RYR2: variants seen among roughly 807,000 people sequenced by gnomAD.
The protein encoded by RYR2 is cardiac muscle ryanodine receptor-calcium release channel.
A neutral mutation model predicts 601.1 loss-of-function variants in RYR2; 227 were observed. The ratio of observed to expected loss-of-function variants is 0.38; its 90% CI spans 0.34 to 0.42. The LOEUF is 0.42. RYR2 is among the 10% of genes least tolerant of loss of function. The pLI, the probability that RYR2 is intolerant of heterozygous loss-of-function variation, is 1.00. For synonymous variants in RYR2, 2,223 were observed against 2,175.1 expected (o/e 1.02, Z -0.61); for missense variants, 4,646 against 6,156.5 (o/e 0.75, Z 8.21).
At chr1:237,803,901 C>CT (rs1465347743) in intron 98 of RYR2, among the ~76,000 whole-genome samples, 2 of 152,118 alleles carry the variant, frequency 1.3e-5, no homozygotes. Context: ...TAACCTCACC[C>CT]TGGGGTTTGT....
chr1:237,620,364 T>TAAATC (rs3057357), intron 38 of RYR2, among the ~76,000 whole-genome samples: 120,610 of 151,452 alleles, frequency 0.8, 48,314 homozygotes, highest in Non-Finnish European at 0.83. Flanking sequence ...GTACCACAGA[T>TAAATC]AAAATAGGAT....
chr1:237,341,339 A>C (rs1697752485), intron 3 of RYR2, among the ~76,000 whole-genome samples: 1 of 152,290 alleles, frequency 6.6e-6, no homozygotes, highest in Non-Finnish European at 1.5e-5. Flanking sequence ...TGAGTCAGCC[A>C]TTCTCAAACA....
chr1:237,665,396 TCAAAAAAAAAAA>T (rs1414551463), intron 56 of RYR2, among the ~76,000 whole-genome samples: 2 of 72,418 alleles, frequency 2.8e-5, no homozygotes, highest in Admixed American at 3.3e-4. Flanking sequence ...AGACTCTGTC[TCAAAAAAAAAAA>T]AAAAAAAAAA....
At chr1:237,282,482 C>T (rs1163186490) in intron 2 of RYR2, among the ~76,000 whole-genome samples, 1 of 152,032 alleles carries the variant, frequency 6.6e-6, no homozygotes, top group Non-Finnish European at 1.5e-5. Context: ...CCATGATGTG[C>T]TTAGCCCAGC....
At chr1:237,499,477 AATAG>A (rs1209177106) in intron 20 of RYR2, among the ~76,000 whole-genome samples, 1 of 152,236 alleles carries the variant, frequency 6.6e-6, no homozygotes, top group Non-Finnish European at 1.5e-5. Flanking sequence ...ATTTGATTAT[AATAG>A]ATATCGTGTA....
At chr1:237,450,060 G>C (rs1443953305) in intron 14 of RYR2, among the ~76,000 whole-genome samples, 1 of 152,088 alleles carries the variant, frequency 6.6e-6, no homozygotes, top group Admixed American at 6.6e-5. Flanking sequence ...TCTATCCAGT[G>C]TCCCATGAAT....
intron 1 of RYR2, among the ~76,000 whole-genome samples, chr1:237,149,025 T>G (rs1674395641): frequency 6.6e-6 from 1 of 152,210 alleles, no homozygotes; most frequent in Non-Finnish European, 1.5e-5. Flanking sequence ...TGAATTTTCC[T>G]CTTCGAGTGA....
intron 17 of RYR2, among the ~76,000 whole-genome samples, chr1:237,488,293 A>G (rs1255903522): frequency 6.6e-6 from 1 of 152,228 alleles, no homozygotes; most frequent in Non-Finnish European, 1.5e-5. Flanking sequence ...TTTATAAACA[A>G]CAGAAATGTA....
chr1:237,416,390 G>A (rs754688753), intron 10 of RYR2, among the ~76,000 whole-genome samples: 8 of 152,134 alleles, frequency 5.3e-5, no homozygotes, highest in Non-Finnish European at 1.2e-4. Flanking sequence ...CATGAATTTG[G>A]ATACTTACAG....
rs574384748 is a variant in RYR2, at chr1:237,047,636, C to A, written c.48+5067C>A. ...CTCCCTCCTTGCCACGTCTAAATGTCCCTCTCTGTCCCTATTCCCTTAGAT... is the reference window on the plus strand; with the variant it reads ...CTCCCTCCTTGCCACGTCTAAATGTACCTCTCTGTCCCTATTCCCTTAGAT... On this transcript the variant is annotated intron_variant, in intron 1 of 104. Transcript: ENST00000366574. Among the ~76,000 whole-genome samples the A allele has an allele frequency of 2.9e-4, 44 of 152,276 alleles. 2 individuals are homozygous for A. The highest frequency in any genetic ancestry group is 2.2e-3 in the Admixed American group (33 of 15,308).
intron 1 of RYR2, among the ~76,000 whole-genome samples, chr1:237,230,943 G>GAAAAAAAAA (rs1553354265): frequency 1.3e-5 from 1 of 79,764 alleles, no homozygotes; most frequent in African/African-American, 4.4e-5. Context: ...AAAAAAAAAG[G>GAAAAAAAAA]ATACTCCTCA....
chr1:237,051,370 G>C (rs372207007), intron 1 of RYR2, among the ~76,000 whole-genome samples: 2 of 130,202 alleles, frequency 1.5e-5, no homozygotes, highest in Non-Finnish European at 3.1e-5. Flanking sequence ...TTCTCTCCTC[G>C]GGGCTCATGA....
chr1:237,329,439 G>A (rs565389004), intron 2 of RYR2, among the ~76,000 whole-genome samples: 1 of 152,062 alleles, frequency 6.6e-6, no homozygotes, highest in African/African-American at 2.4e-5. Flanking sequence ...TCAAGAGATC[G>A]AGATCATCCT....
chr1:237,324,360 A>T (rs1301623290), intron 2 of RYR2, among the ~76,000 whole-genome samples: 1 of 152,202 alleles, frequency 6.6e-6, no homozygotes, highest in Non-Finnish European at 1.5e-5. Flanking sequence ...TATCTCCATC[A>T]TTTGGGGAGA....
At chr1:237,809,945 T>C (rs1661080798) in intron 100 of RYR2, among the ~76,000 whole-genome samples, 1 of 152,128 alleles carries the variant, frequency 6.6e-6, no homozygotes, top group South Asian at 2.1e-4. Context: ...ATGACATTAG[T>C]ACCATGGACA....
chr1:237,815,540 T>A (rs1661727537), intron 100 of RYR2, among the ~76,000 whole-genome samples: 1 of 152,224 alleles, frequency 6.6e-6, no homozygotes, highest in Admixed American at 6.5e-5. Flanking sequence ...TGCACAAGAC[T>A]GTCTTTTCAG....
intron 19 of RYR2, among the ~76,000 whole-genome samples, chr1:237,493,539 A>G (rs917475085): frequency 9.9e-5 from 15 of 151,344 alleles, no homozygotes; most frequent in East Asian, 1.9e-4. Flanking sequence ...TGCAAGCTCC[A>G]CCTCCCGGGT....
intron 12 of RYR2, among the ~76,000 whole-genome samples, chr1:237,439,636 T>A (rs1707717131): frequency 6.7e-6 from 1 of 149,830 alleles, no homozygotes; most frequent in Non-Finnish European, 1.5e-5. Flanking sequence ...AGAGAAAGAC[T>A]CCATCTCAAA....
In RYR2 at chr1:237,468,086, C is replaced by G. The variant is rs1473416404; in HGVS notation, c.1613-1006C>G. 5.3e-5 allele frequency among the ~76,000 whole-genome samples: 8 copies of G among 152,048 alleles called. No individual in the cohort carries two copies. The East Asian group carries it at 7.8e-4, about 15-fold the overall frequency. Reference sequence around the variant, plus strand: ...TGTTGGTCAGGCTGGTCTTAAATTCCTGACCTCATGATCCGCCCACCTCAG... The same window carrying G: ...TGTTGGTCAGGCTGGTCTTAAATTCGTGACCTCATGATCCGCCCACCTCAG... On this transcript the variant is annotated intron_variant, in intron 16 of 104. Transcript: ENST00000366574.
Sources: allele counts gnomAD v4.1 joint callset (sites outside exome capture counted in the v4.1 genomes callset), GRCh38; gene constraint gnomAD v4.1.1; transcripts MANE v1.5; gene names NCBI Gene and HGNC (gene_info 2026-07-23, HGNC 2026-07-21).